The following PHIP variants were observed in gnomAD, a reference collection of about 807,000 sequenced individuals.
The protein encoded by PHIP is PHIP subunit of CUL4-Ring ligase complex.
A neutral mutation model predicts 236.8 loss-of-function variants in PHIP; 54 were observed. The ratio of observed to expected loss-of-function variants is 0.23; its 90% confidence interval spans 0.18 to 0.29. PHIP has a LOEUF of 0.29. Ranked by LOEUF, PHIP falls within the 10% of genes least tolerant of loss-of-function variation. PHIP has a pLI of 1.00. For missense variants in PHIP, 1,370 were observed against 2,190.8 expected, an observed-to-expected ratio of 0.63 and a Z score of 7.48; for synonymous variants, 756 against 718.9, an observed-to-expected ratio of 1.05 and a Z score of -0.83.
chr6:79,046,157 A>G (rs1417123693), intron 6 of PHIP, among the ~76,000 whole-genome samples: 1 of 152,050 alleles, frequency 6.6e-6, no homozygotes, highest in East Asian at 1.9e-4. Flanking sequence ...TGCTCCAGCC[A>G]CTCCAATCTC....
chr6:78,945,578 A>G, intron 38 of PHIP, 81 bp from the exon 39 acceptor site: 1 of 873,662 alleles, frequency 1.1e-6, no homozygotes, highest in Non-Finnish European at 1.8e-6. Flanking sequence ...AATTATTTGA[A>G]TTAGCCAAGA....
chr6:78,978,045 C>A (rs951494818), intron 24 of PHIP, among the ~76,000 whole-genome samples: 1 of 151,998 alleles, frequency 6.6e-6, no homozygotes, highest in South Asian at 2.1e-4. Flanking sequence ...AATGTTGAGA[C>A]CAGTTCTTAC....
At chr6:78,950,584 G>A (rs746334467) in intron 35 of PHIP, among the ~76,000 whole-genome samples, 6 of 151,928 alleles carry the variant, frequency 3.9e-5, no homozygotes, top group South Asian at 2.1e-4. Context: ...TTTGAATATC[G>A]GTCTATTTCA....
Position 78,961,749 on chromosome 6 carries a change from T to C in PHIP, c.3597A>G (p.Val1199=). The C allele has an allele frequency of 6.2e-7, 1 of 1,611,988 alleles. No homozygotes were observed. Among genetic ancestry groups the C allele is most frequent in the Non-Finnish European group, 8.5e-7 (1 of 1,178,286 alleles). ...DLQAYPMYCT[V]VAYPTDLSTI... is the part of the protein sequence containing the mutation. ...TACTTAGATCCGTTGGATATGCCAC[T>C]ACTGTGCAATACATGGGATAGGCTT... Residue 1199 remains valine, a synonymous_variant, in exon 31 of 40, where the codon GTA becomes GTG. Coordinates refer to ENST00000275034, the MANE Select transcript of PHIP (RefSeq NM_017934.7).
At chr6:78,965,241 C>T (rs1007463216) in intron 29 of PHIP, among the ~76,000 whole-genome samples, 5 of 152,130 alleles carry the variant, frequency 3.3e-5, no homozygotes, top group South Asian at 2.1e-4. Context: ...TTAGCTTTGA[C>T]GGTTTCTAAG....
chr6:79,037,506 G>A lies in PHIP; in HGVS notation c.600+5337C>T, dbSNP rs9448613. On this transcript the variant is annotated intron_variant, in intron 7 of 39. Transcript: ENST00000275034. ...TGCTCTTTAATTGATTAGTATCTTT[G>A]GGGGACATATTGCAAGATCTTCAAA... Among the ~76,000 whole-genome samples the A allele has an allele frequency of 5.7e-3, 869 of 152,208 alleles. 12 individuals are homozygous for A. The highest frequency in any genetic ancestry group is 0.019 in the African/African-American group (804 of 41,538).
chr6:79,072,081 T>C (rs1468494614), intron 4 of PHIP, among the ~76,000 whole-genome samples: 4 of 152,266 alleles, frequency 2.6e-5, no homozygotes, highest in African/African-American at 4.8e-5. Context: ...TATAAACAGA[T>C]TGACAAAACA....
At chr6:79,031,454 C>G (rs1311657614) in intron 7 of PHIP, among the ~76,000 whole-genome samples, 1 of 151,920 alleles carries the variant, frequency 6.6e-6, no homozygotes, top group South Asian at 2.1e-4. Flanking sequence ...AAGGATGAAG[C>G]CAAGGAAGCT....
At chr6:78,971,539 T>C (rs1300166407) in intron 24 of PHIP, among the ~76,000 whole-genome samples, 1 of 152,166 alleles carries the variant, frequency 6.6e-6, no homozygotes, top group Non-Finnish European at 1.5e-5. Context: ...GATGGCCGAA[T>C]AGGAACAGCT....
intron 36 of PHIP, among the ~76,000 whole-genome samples, 163 bp downstream of exon 36, chr6:78,947,460 A>G (rs1773888879): frequency 6.6e-6 from 1 of 152,214 alleles, no homozygotes; most frequent in Non-Finnish European, 1.5e-5. Flanking sequence ...ATTTCATACA[A>G]GGAGCTGAGT....
chr6:78,955,171 A>C (rs1766332996), intron 34 of PHIP, 61 bp downstream of exon 34: 1 of 1,165,784 alleles, frequency 8.6e-7, no homozygotes, highest in Non-Finnish European at 1.2e-6. Flanking sequence ...AAAAATAAAG[A>C]AAGCTCTTAA....
rs768829222 is a variant in PHIP, at chr6:78,969,846, C to T, written c.3194G>A (p.Arg1065Gln). The change falls in exon 27 of 40, where the codon CGA (arginine) becomes CAA (glutamine). Residue 1065 changes from arginine (R) to glutamine (Q), a missense_variant. Physicochemically the swap from Arg to Gln is conservative, Grantham distance 43. This residue lies in a region of PHIP where 238 missense variants were observed against 398.5 expected (regional missense o/e 0.60). Coordinates refer to ENST00000275034, the MANE Select transcript of PHIP (RefSeq NM_017934.7). Reference sequence around the variant, plus strand: ...AATAAATTACCCACCTATATTCCATCGCCTGTATTTTGCATCATCAAATTG... The same window carrying T: ...AATAAATTACCCACCTATATTCCATTGCCTGTATTTTGCATCATCAAATTG... ...RQQFDDAKYR[R>Q]WNIGDRFRSV... 1.4e-5 allele frequency: 21 copies of T among 1,550,288 alleles called. No homozygotes were observed. In the South Asian group the frequency reaches 1.6e-4, roughly 12 times the overall value.
chr6:79,024,698 G>A (rs1471545031), intron 9 of PHIP, among the ~76,000 whole-genome samples: 5 of 152,104 alleles, frequency 3.3e-5, no homozygotes, highest in South Asian at 2.1e-4. Context: ...CCAGCTACTC[G>A]GGAGGCTGAG....
At chr6:79,077,559 C>G in intron 3 of PHIP, 52 bp from the exon 4 acceptor site, 1 of 1,123,928 alleles carries the variant, frequency 8.9e-7, no homozygotes, top group Non-Finnish European at 1.1e-6. Flanking sequence ...TACCCGCCCG[C>G]TCCCCTCCCC....
intron 6 of PHIP, among the ~76,000 whole-genome samples, chr6:79,057,929 G>A (rs1397943586): frequency 6.6e-6 from 1 of 152,040 alleles, no homozygotes; most frequent in African/African-American, 2.4e-5. Flanking sequence ...ATACCATGGT[G>A]AACTCTAGCA....
At position 78,935,503 on chromosome 6, in the gene PHIP, C is replaced by T. The variant is rs1323182171; in HGVS notation, c.*5190G>A. The T allele has an allele frequency of 7.2e-6, 7 of 978,714 alleles. No individual in the cohort carries two copies. Among genetic ancestry groups the T allele is most frequent in the Non-Finnish European group, 7.3e-6 (6 of 824,024 alleles). 60.6% of individuals were successfully genotyped at this position (978,714 alleles called of 1,614,324 possible). On this transcript the variant is annotated 3_prime_UTR_variant, in exon 40 of 40. Coordinates refer to ENST00000275034, the MANE Select transcript of PHIP (RefSeq NM_017934.7). ...GAAAATATTTATGCAAAGTGTTCCA[C>T]TGAAATGTATCTCTTACGAAAGTAT...
In PHIP at chr6:78,970,158, T is replaced by G; in HGVS notation, c.3013A>C (p.Lys1005Gln). 3 of 1,611,850 alleles carry G rather than the reference T, an allele frequency of 1.9e-6. No individual in the cohort carries two copies. The highest frequency in any genetic ancestry group is 2.5e-6 in the Non-Finnish European group (3 of 1,178,362). ...KMELREQELM[K>Q]IVGIKYEVGL... ...ACTTCATACTTTATGCCAACTATTTTCATAAGTTCTTGTTCCTGAGAGAGA... is the reference window on the plus strand; with the variant it reads ...ACTTCATACTTTATGCCAACTATTTGCATAAGTTCTTGTTCCTGAGAGAGA... The change falls in exon 26 of 40, where the codon AAA (lysine) becomes CAA (glutamine). Residue 1005 changes from lysine (K) to glutamine (Q), a missense_variant. Lys to Gln is a moderately conservative substitution (Grantham distance 53, BLOSUM62 1). This residue lies in a region of PHIP where 238 missense variants were observed against 398.5 expected (regional missense o/e 0.60). Coordinates refer to ENST00000275034, the MANE Select transcript of PHIP (RefSeq NM_017934.7).
At chr6:79,017,722 T>C in intron 10 of PHIP, 139 bp from the exon 11 acceptor site, 2 of 590,120 alleles carry the variant, frequency 3.4e-6, no homozygotes, top group Non-Finnish European at 6.0e-6. Context: ...TTATCCTAAA[T>C]ATATAACACA....
chr6:78,985,446 C>T lies in PHIP; in HGVS notation c.2461-18G>A. On this transcript the variant is annotated intron_variant, in intron 21 of 39. Transcript: ENST00000275034. ...TCGCCTTCCTAAGATATGTTGAATA[C>T]ATGTCTTATTGCATAATTTTATAAA... 1 of 1,267,996 alleles carries T rather than the reference C, an allele frequency of 7.9e-7. No individual in the cohort carries two copies. The highest frequency in any genetic ancestry group is 1.2e-6 in the Non-Finnish European group (1 of 866,600). The allele number at this position is 1,267,996 out of a possible 1,614,324, so 78.5% of individuals were successfully genotyped here.
Sources: allele counts gnomAD v4.1 joint callset (sites outside exome capture counted in the v4.1 genomes callset), GRCh38; gene constraint gnomAD v4.1.1; regional missense constraint gnomAD v4.1.1; transcripts MANE v1.5; gene names NCBI Gene and HGNC (gene_info 2026-07-23, HGNC 2026-07-21).